Variants in STK24 observed in about 807,000 individuals in gnomAD.
The protein encoded by STK24 is serine/threonine kinase 24.
Under a neutral mutation model 55.6 loss-of-function variants are expected in STK24, and 21 were observed. That is an observed-to-expected ratio of 0.38 (90% CI 0.27 to 0.54). STK24 has a LOEUF of 0.54. Among genes scored for constraint, STK24 ranks in the 20% least tolerant of loss-of-function variants. The pLI, the probability that STK24 is intolerant of heterozygous loss-of-function variation, is 0.79. For synonymous variants in STK24, 200 were observed against 215.2 expected (o/e 0.93, Z 0.62); for missense variants, 383 against 538.4 (o/e 0.71, Z 2.86).
Position 98,475,276 on chromosome 13 carries a change from T to G in STK24, c.413A>C (p.Glu138Ala). 1 of 1,612,384 alleles carries G rather than the reference T, an allele frequency of 6.2e-7. No homozygotes were observed. Among genetic ancestry groups the G allele is most frequent in the Non-Finnish European group, 8.5e-7 (1 of 1,179,254 alleles). Residue 138 changes from glutamate to alanine, a missense_variant, in exon 4 of 11, where the codon GAG becomes GCG. By Grantham distance (107) the Glu-to-Ala change is moderately radical. Coordinates refer to ENST00000539966, the MANE Select transcript of STK24 (RefSeq NM_001032296.4). ...TTTAATGTCTCTGTGGATTTTCTTC[T>G]CCGAATGGAGATAATCGAGTCCTTT... ...ILKGLDYLHSEKKIHRDIKAA... is the reference protein window; with the variant it reads ...ILKGLDYLHSAKKIHRDIKAA...
chr13:98,549,731 A>T (rs1897115586), intron 1 of STK24, among the ~76,000 whole-genome samples: 1 of 152,178 alleles, frequency 6.6e-6, no homozygotes, highest in Non-Finnish European at 1.5e-5. Flanking sequence ...TAAGCCAACT[A>T]AACCTCTTTC....
intron 1 of STK24, among the ~76,000 whole-genome samples, chr13:98,526,627 T>C (rs916544764): frequency 5.9e-5 from 9 of 152,240 alleles, no homozygotes; most frequent in Non-Finnish European, 1.3e-4. Flanking sequence ...ATGGCTGCAT[T>C]CAAGTTTATT....
intron 2 of STK24, among the ~76,000 whole-genome samples, chr13:98,507,403 G>T (rs571834657): frequency 1.1e-4 from 17 of 152,306 alleles, no homozygotes; most frequent in African/African-American, 4.1e-4. Flanking sequence ...CAGGGCCAAC[G>T]CTTCACACTT....
chr13:98,515,571 CTT>C (rs1282716950), intron 2 of STK24, among the ~76,000 whole-genome samples: 1 of 152,074 alleles, frequency 6.6e-6, no homozygotes, highest in Non-Finnish European at 1.5e-5. Flanking sequence ...AATTCTAGCC[CTT>C]GTTTTCAATC....
chr13:98,464,325 A>AG (rs1363520879), intron 6 of STK24, among the ~76,000 whole-genome samples: 2 of 151,354 alleles, frequency 1.3e-5, no homozygotes, highest in Non-Finnish European at 2.9e-5. Context: ...AGGCTGAGGC[A>AG]GGAGAATGGC....
At chr13:98,487,383 C>G (rs1289099923) in intron 2 of STK24, among the ~76,000 whole-genome samples, 1 of 152,170 alleles carries the variant, frequency 6.6e-6, no homozygotes, top group Non-Finnish European at 1.5e-5. Context: ...ATACAATTTT[C>G]TCATCAGGGA....
At chr13:98,462,177 A>AC (rs1043413963) in intron 7 of STK24, among the ~76,000 whole-genome samples, 1 of 150,358 alleles carries the variant, frequency 6.7e-6, no homozygotes, top group African/African-American at 2.5e-5. Context: ...CACCTCCCCC[A>AC]CCTCCCTGGG....
At chr13:98,489,079 G>A (rs148997294) in intron 2 of STK24, among the ~76,000 whole-genome samples, 2 of 152,316 alleles carry the variant, frequency 1.3e-5, no homozygotes, top group East Asian at 3.9e-4. Flanking sequence ...AAAGCCTTAA[G>A]GCCTGGTTTG....
chr13:98,555,675 C>T (rs548986726), intron 1 of STK24, among the ~76,000 whole-genome samples: 3 of 150,476 alleles, frequency 2.0e-5, no homozygotes, highest in African/African-American at 4.9e-5. Flanking sequence ...ATATCAGCCT[C>T]CCTGTCTTTT....
rs558253842 is a variant in STK24, at chr13:98,459,597, T to C, written c.1122+775A>G. Among the ~76,000 whole-genome samples the C allele has an allele frequency of 4.6e-5, 7 of 152,350 alleles. No individual in the cohort carries two copies. The South Asian group carries it at 1.4e-3, about 32-fold the overall frequency. On this transcript the variant is annotated intron_variant, in intron 9 of 10. Coordinates refer to ENST00000539966, the MANE Select transcript of STK24 (RefSeq NM_001032296.4). Reference sequence around the variant, plus strand: ...CACAGGGGAGGAGAATGAGCTCCTATGACACTTCCTCTCCTGAGCACCTCC... The same window carrying C: ...CACAGGGGAGGAGAATGAGCTCCTACGACACTTCCTCTCCTGAGCACCTCC...
chr13:98,499,816 C>T (rs779427307), intron 2 of STK24, among the ~76,000 whole-genome samples: 7 of 152,200 alleles, frequency 4.6e-5, no homozygotes, highest in African/African-American at 9.6e-5. Flanking sequence ...ACACTCCCAA[C>T]GGTGACTGAC....
rs1893125580 is a variant in STK24, at chr13:98,450,314, C to CTGTT, written c.*2855_*2858dup. On this transcript the variant is annotated 3_prime_UTR_variant, in exon 11 of 11. Coordinates refer to ENST00000539966, the MANE Select transcript of STK24 (RefSeq NM_001032296.4). ...ACATTTTATAGCAGAAATACACAAG[C>CTGTT]TGTTTTTAAAGGAGGGAAATATAAA... The CTGTT allele has an allele frequency of 6.6e-6, 1 of 152,286 alleles. No homozygotes were observed. Among genetic ancestry groups the CTGTT allele is most frequent in the East Asian group, 1.9e-4 (1 of 5,190 alleles). The allele number at this position is 152,286 out of a possible 1,614,324, so 9.4% of individuals were successfully genotyped here.
Position 98,473,274 on chromosome 13 carries a change from G to GGAGAGGAAAGGAAGGAGGGAGGGGGGA in STK24, c.597+1546_597+1547insTCCCCCCTCCCTCCTTCCTTTCCTCTC. Among the ~76,000 whole-genome samples, 2 of 2,080 alleles carry GGAGAGGAAAGGAAGGAGGGAGGGGGGA rather than the reference G, an allele frequency of 9.6e-4. 1 individual carries two copies. The highest frequency in any genetic ancestry group is 4.2e-3 in the African/African-American group (2 of 472). 1.4% of individuals were successfully genotyped at this position (2,080 alleles called of 152,430 possible). On this transcript the variant is annotated intron_variant, in intron 5 of 10. Transcript: ENST00000539966. ...AGAGAAGGAAGGGGAGGAAGGAAAGGGGAAAGGAAGGAGGGAGAGAGGGAA... is the reference window on the plus strand; with the variant it reads ...AGAGAAGGAAGGGGAGGAAGGAAAGGGAGAGGAAAGGAAGGAGGGAGGGGGGAGGAAAGGAAGGAGGGAGAGAGGGAA...
intron 1 of STK24, among the ~76,000 whole-genome samples, chr13:98,541,841 G>A (rs143958437): frequency 1.2e-3 from 185 of 152,280 alleles, no homozygotes; most frequent in Middle Eastern, 3.4e-3. Flanking sequence ...ACTGAAGCCC[G>A]GGGGTTAGCA....
intron 2 of STK24, among the ~76,000 whole-genome samples, chr13:98,512,839 G>T (rs570535398): frequency 6.6e-6 from 1 of 152,170 alleles, no homozygotes; most frequent in African/African-American, 2.4e-5. Context: ...AGTCACAAAC[G>T]TCCCATTAAG....
At position 98,448,033 on chromosome 13, in the gene STK24, ACT is replaced by A. The variant is rs1491439340; in HGVS notation, c.*5138_*5139del. ...TGCAGCAAGGTACTTCCAGCTCCACACTGAGTGAGTGCCCAGGCCAGTGGGTC... is the reference window on the plus strand; with the variant it reads ...TGCAGCAAGGTACTTCCAGCTCCACAGAGTGAGTGCCCAGGCCAGTGGGTC... On this transcript the variant is annotated 3_prime_UTR_variant, in exon 11 of 11. Transcript: ENST00000539966. The A allele has an allele frequency of 5.0e-6, 3 of 598,682 alleles. No individual in the cohort carries two copies. The highest frequency in any genetic ancestry group is 9.0e-6 in the Non-Finnish European group (3 of 333,034). The allele number at this position is 598,682 out of a possible 1,614,324, so 37.1% of individuals were successfully genotyped here. A position where few individuals can be genotyped will look rare whatever the true frequency, so the allele number is the denominator to read the frequency against.
chr13:98,545,558 C>T (rs964077253), intron 1 of STK24, among the ~76,000 whole-genome samples: 3 of 150,658 alleles, frequency 2.0e-5, no homozygotes, highest in African/African-American at 7.4e-5. Flanking sequence ...GGCGTGAACC[C>T]GGGAGGCAGA....
At chr13:98,536,041 C>CT (rs746533620) in intron 1 of STK24, among the ~76,000 whole-genome samples, 13 of 152,150 alleles carry the variant, frequency 8.5e-5, no homozygotes, top group African/African-American at 1.2e-4. Context: ...ACCTGAAAAT[C>CT]TTTTAGCTTT....
At chr13:98,486,288 G>A (rs944102630) in intron 2 of STK24, among the ~76,000 whole-genome samples, 4 of 152,036 alleles carry the variant, frequency 2.6e-5, no homozygotes, top group East Asian at 1.9e-4. Flanking sequence ...GGCCGCACTC[G>A]CGCCACACCC....
Sources: allele counts gnomAD v4.1 joint callset (sites outside exome capture counted in the v4.1 genomes callset), GRCh38; gene constraint gnomAD v4.1.1; transcripts MANE v1.5; gene names NCBI Gene and HGNC (gene_info 2026-07-23, HGNC 2026-07-21).